Variants in CFAP20DC observed in about 807,000 individuals in gnomAD.
CFAP20DC encodes protein CFAP20DC.
CFAP20DC carries 84 observed loss-of-function variants against 101.7 expected under a neutral mutation model. The observed-to-expected ratio is 0.83, with a 90% CI of 0.69 to 0.99. The LOEUF (loss-of-function observed/expected upper bound fraction) is 0.99. CFAP20DC is among the 50% of genes least tolerant of loss of function. The probability of loss-of-function intolerance (pLI) is 0.00; values close to 1 mark genes in which losing one functional copy is unlikely to be tolerated. For missense variants in CFAP20DC, 1,007 were observed against 970.3 expected (o/e 1.04, Z -0.50); for synonymous variants, 359 against 351.2 (o/e 1.02, Z -0.25).
chr3:58,985,372 T>C (rs1212062077), intron 4 of CFAP20DC, among the ~76,000 whole-genome samples: 1 of 152,204 alleles, frequency 6.6e-6, no homozygotes, highest in Non-Finnish European at 1.5e-5. Context: ...CCTGGCCTGA[T>C]TGACTGCAAC....
At chr3:58,952,164 A>G (rs2090189752) in intron 4 of CFAP20DC, among the ~76,000 whole-genome samples, 1 of 152,120 alleles carries the variant, frequency 6.6e-6, no homozygotes, top group Non-Finnish European at 1.5e-5. Flanking sequence ...AAGTAGTGCT[A>G]TTCTTAGTTT....
rs112153201 is a variant in CFAP20DC, at chr3:58,879,009, GA to G, written c.715+5535del. Among the ~76,000 whole-genome samples, 703 of 123,050 alleles carry G rather than the reference GA, an allele frequency of 5.7e-3. 5 individuals carry two copies. Among genetic ancestry groups the G allele is most frequent in the African/African-American group, 0.017 (597 of 34,474 alleles). The allele number at this position is 123,050 out of a possible 152,430, so 80.7% of individuals were successfully genotyped here. On this transcript the variant is annotated intron_variant, in intron 7 of 16. Transcript: ENST00000482387. ...GGCAACAGAGCGAGACTTCGTCTCCGAAAAAAAAAAAAAACAAAAGAATGCA... is the reference window on the plus strand; with the variant it reads ...GGCAACAGAGCGAGACTTCGTCTCCGAAAAAAAAAAAAACAAAAGAATGCA...
intron 14 of CFAP20DC, among the ~76,000 whole-genome samples, chr3:58,825,257 A>G (rs770905015): frequency 6.6e-6 from 1 of 152,160 alleles, no homozygotes; most frequent in Non-Finnish European, 1.5e-5. Flanking sequence ...TGATCACTCA[A>G]GTGGCCCTTT....
chr3:58,962,988 C>G (rs2091261215), intron 4 of CFAP20DC, among the ~76,000 whole-genome samples: 1 of 151,938 alleles, frequency 6.6e-6, no homozygotes, highest in African/African-American at 2.4e-5. Flanking sequence ...TATTCATATA[C>G]CACCAACATT....
chr3:58,886,478 C>T (rs1222845187), intron 6 of CFAP20DC, among the ~76,000 whole-genome samples: 1 of 151,968 alleles, frequency 6.6e-6, no homozygotes, highest in African/African-American at 2.4e-5. Flanking sequence ...GTAATCCCAG[C>T]ACTTTGGGAG....
At chr3:58,737,577 T>C (rs2067787432), downstream of CFAP20DC, among the ~76,000 whole-genome samples, 6 of 152,180 alleles carry the variant, frequency 3.9e-5, no homozygotes, top group South Asian at 1.2e-3. The surrounding 1 kb of genome is among the most constrained non-coding windows in gnomAD (Gnocchi z 4.1). Context: ...GTTAGTCTAT[T>C]AAAGCCACTG....
intron 5 of CFAP20DC, among the ~76,000 whole-genome samples, chr3:58,929,152 C>T (rs2086302865): frequency 6.6e-6 from 1 of 152,198 alleles, no homozygotes; most frequent in Admixed American, 6.5e-5. Flanking sequence ...GTCAAGTTCA[C>T]TTCCTATCTC....
At chr3:58,819,100 A>G (rs1429009030) in intron 14 of CFAP20DC, among the ~76,000 whole-genome samples, 1 of 149,124 alleles carries the variant, frequency 6.7e-6, no homozygotes, top group African/African-American at 2.5e-5. Flanking sequence ...CAACGAGAAC[A>G]AAGACACAAC....
Position 58,934,544 on chromosome 3 carries a change from T to C in CFAP20DC, c.393+3104A>G, listed in dbSNP as rs375046117. Among the ~76,000 whole-genome samples, 4 of 152,242 alleles carry C rather than the reference T, an allele frequency of 2.6e-5. No homozygotes were observed. The East Asian group carries it at 5.8e-4, about 22-fold the overall frequency. On this transcript the variant is annotated intron_variant, in intron 5 of 16. Transcript: ENST00000482387. ...CTCAATAAAATACTGGCAAACCGAA[T>C]CCAGCAGCATATCAAAAAGCTTATC...
chr3:58,951,688 A>T (rs1016323480), intron 4 of CFAP20DC, among the ~76,000 whole-genome samples: 2 of 151,814 alleles, frequency 1.3e-5, no homozygotes, highest in African/African-American at 4.8e-5. Context: ...GTTCTCACTC[A>T]TAGGTGGGAA....
At chr3:58,819,932 A>T (rs1165072938) in intron 14 of CFAP20DC, among the ~76,000 whole-genome samples, 1 of 140,880 alleles carries the variant, frequency 7.1e-6, no homozygotes, top group Admixed American at 7.2e-5. Context: ...CACATCAAAA[A>T]GCTTATCCAC....
intron 3 of CFAP20DC, among the ~76,000 whole-genome samples, chr3:58,723,223 T>C (rs908024914): frequency 6.6e-6 from 1 of 152,260 alleles, no homozygotes; most frequent in African/African-American, 2.4e-5. Context: ...ATAGTAAGAT[T>C]TTTTCCCCTT....
rs149753679 is a variant in CFAP20DC, at chr3:58,975,584, A to G, written c.279-37822T>C. 2.7e-3 allele frequency among the ~76,000 whole-genome samples: 411 copies of G among 152,348 alleles called. 1 individual carries two copies. Among genetic ancestry groups the G allele is most frequent in the African/African-American group, 9.3e-3 (387 of 41,586 alleles). On this transcript the variant is annotated intron_variant, in intron 4 of 16. Coordinates refer to ENST00000482387, the MANE Select transcript of CFAP20DC (RefSeq NM_001394063.1). ...AAAATGAAAAGTCTTTATGTAAAGT[A>G]AAAATTTGCATTGATAAATGCTCCA... is the stretch of plus-strand genomic sequence containing the variant.
intron 4 of CFAP20DC, among the ~76,000 whole-genome samples, chr3:59,008,115 G>C (rs1044715944): frequency 1.2e-4 from 19 of 152,142 alleles, no homozygotes; most frequent in Non-Finnish European, 2.2e-4. Context: ...TCCAGGGTGA[G>C]TGCAGCCCCA....
intron 5 of CFAP20DC, among the ~76,000 whole-genome samples, chr3:58,923,356 T>C (rs752622841): frequency 2.0e-5 from 3 of 152,226 alleles, no homozygotes; most frequent in Non-Finnish European, 4.4e-5. Flanking sequence ...ATGTAGTATA[T>C]ATAATTTTTT....
intron 4 of CFAP20DC, among the ~76,000 whole-genome samples, chr3:58,968,463 T>C (rs1271343636): frequency 6.6e-6 from 1 of 152,138 alleles, no homozygotes; most frequent in African/African-American, 2.4e-5. Context: ...AATAATCAGT[T>C]GATATTGAGC....
rs930813318 is a variant in CFAP20DC, at chr3:58,912,474, G to C, written c.550+1234C>G. 1.0e-5 allele frequency: 3 copies of C among 295,050 alleles called. No homozygotes were observed. The highest frequency in any genetic ancestry group is 2.0e-5 in the Non-Finnish European group (3 of 149,728). The allele number at this position is 295,050 out of a possible 1,614,324, so 18.3% of individuals were successfully genotyped here. A position where few individuals can be genotyped will look rare whatever the true frequency, so the allele number is the denominator to read the frequency against. Reference sequence around the variant, plus strand: ...ATGAAATTTATAGGCACAGTGTCCTGTTCCACAGAGTGAGCCACATCAAGA... The same window carrying C: ...ATGAAATTTATAGGCACAGTGTCCTCTTCCACAGAGTGAGCCACATCAAGA... On this transcript the variant is annotated intron_variant, in intron 6 of 16. Coordinates refer to ENST00000482387, the MANE Select transcript of CFAP20DC (RefSeq NM_001394063.1). This position sits in a 1 kb window ranked among gnomAD's most constrained non-coding sequence, Gnocchi z 4.4.
At chr3:58,832,635 G>A (rs1246996976) in intron 13 of CFAP20DC, among the ~76,000 whole-genome samples, 1 of 152,158 alleles carries the variant, frequency 6.6e-6, no homozygotes, top group African/African-American at 2.4e-5. Flanking sequence ...GAACCTGTCA[G>A]TTCTGAAAGC....
chr3:58,938,692 C>T (rs1478952220), intron 4 of CFAP20DC, among the ~76,000 whole-genome samples: 1 of 152,026 alleles, frequency 6.6e-6, no homozygotes, highest in Non-Finnish European at 1.5e-5. Flanking sequence ...GTCTTTTCTA[C>T]AGCACTTCCG....
Sources: allele counts gnomAD v4.1 joint callset (sites outside exome capture counted in the v4.1 genomes callset), GRCh38; gene constraint gnomAD v4.1.1; non-coding constraint Gnocchi (gnomAD v3.1); transcripts MANE v1.5; gene names NCBI Gene and HGNC (gene_info 2026-07-23, HGNC 2026-07-21).